The following MET variants were observed in gnomAD, a reference collection of about 807,000 sequenced individuals.
MET encodes hepatocyte growth factor receptor.
MET carries 48 observed loss-of-function variants against 133.1 expected under a neutral mutation model. That is an observed-to-expected ratio of 0.36 (90% CI 0.29 to 0.46). The LOEUF is 0.46. MET is among the 20% of genes least tolerant of loss of function. The pLI is 1.00. For missense variants in MET, 1,442 were observed against 1,695.9 expected, an observed-to-expected ratio of 0.85 and a Z score of 2.63; for synonymous variants, 628 against 616.5, an observed-to-expected ratio of 1.02 and a Z score of -0.28.
chr7:116,762,518 G>A (rs968736147), intron 10 of MET, among the ~76,000 whole-genome samples: 1 of 152,162 alleles, frequency 6.6e-6, no homozygotes, highest in Non-Finnish European at 1.5e-5. Context: ...TAATTATCAT[G>A]TTCACCATAT....
intron 1 of MET, among the ~76,000 whole-genome samples, chr7:116,675,837 G>T (rs1796141320): frequency 6.8e-6 from 1 of 147,860 alleles, no homozygotes; most frequent in Non-Finnish European, 1.5e-5. Context: ...ATTCATATGT[G>T]TGGGGCATTC....
intron 19 of MET, among the ~76,000 whole-genome samples, chr7:116,785,108 G>A (rs773983076): frequency 1.3e-5 from 2 of 152,298 alleles, no homozygotes; most frequent in East Asian, 1.9e-4. Context: ...CTCATATCCA[G>A]GGCACGCTGA....
intron 2 of MET, among the ~76,000 whole-genome samples, chr7:116,728,686 G>T (rs1219707301): frequency 6.6e-6 from 1 of 152,152 alleles, no homozygotes; most frequent in Non-Finnish European, 1.5e-5. Context: ...TTTTCAGCAG[G>T]CTGTCATTAA....
chr7:116,685,812 T>TA (rs1235194599), intron 1 of MET, among the ~76,000 whole-genome samples: 7 of 152,176 alleles, frequency 4.6e-5, no homozygotes, highest in Admixed American at 2.6e-4. Flanking sequence ...TTCTCTCTGT[T>TA]AAAAAAGTCA....
In MET at chr7:116,710,590, T is replaced by A. The variant is rs543026979; in HGVS notation, c.1200+10306T>A. ...TTAGTAGATTTTGCACAGAAAAACA[T>A]GTTGACCTCGGTACTGAAATTTTGG... On this transcript the variant is annotated intron_variant, in intron 2 of 20. Coordinates refer to ENST00000397752, the MANE Select transcript of MET (RefSeq NM_000245.4). Among the ~76,000 whole-genome samples the A allele has an allele frequency of 1.7e-3, 258 of 152,246 alleles. 2 individuals carry two copies. Among genetic ancestry groups the A allele is most frequent in the African/African-American group, 5.9e-3 (246 of 41,548 alleles).
intron 2 of MET, among the ~76,000 whole-genome samples, chr7:116,712,508 T>C (rs1419705812): frequency 1.3e-5 from 2 of 152,232 alleles, no homozygotes; most frequent in Non-Finnish European, 2.9e-5. Context: ...GACAGAGCCC[T>C]GTATGTAAAA....
Position 116,755,389 on chromosome 7 carries a change from C to T in MET, c.1736C>T (p.Thr579Ile), listed in dbSNP as rs2116909140. Residue 579 changes from threonine to isoleucine, a missense_variant, in exon 6 of 21, where the codon ACA becomes ATA. Around this residue, in one of 6 missense-constraint regions of MET, gnomAD observed 762 missense variants for 792.4 expected, o/e 0.96. Transcript: ENST00000397752. ...AATAGTGCACCCCTTGAAGGAGGGACAAGGCTGACCATATGTGGCTGGGAC... is the reference window on the plus strand; with the variant it reads ...AATAGTGCACCCCTTGAAGGAGGGATAAGGCTGACCATATGTGGCTGGGAC... ...FPNSAPLEGG[T>I]RLTICGWDFG... 1 of 1,613,954 alleles carries T rather than the reference C, an allele frequency of 6.2e-7. No individual in the cohort carries two copies. The highest frequency in any genetic ancestry group is 8.5e-7 in the Non-Finnish European group (1 of 1,179,992).
intron 11 of MET, among the ~76,000 whole-genome samples, chr7:116,765,525 G>T (rs1794593946): frequency 6.6e-6 from 1 of 152,036 alleles, no homozygotes. Context: ...GGGCGAGCCA[G>T]GTTTGGATGA....
intron 13 of MET, 79 bp from the exon 14 acceptor site, chr7:116,771,770 G>T (rs2116994651): frequency 6.2e-7 from 1 of 1,610,106 alleles, no homozygotes; most frequent in Non-Finnish European, 8.5e-7. Context: ...AAACCCATGA[G>T]TTCTGGGCAC....
intron 18 of MET, among the ~76,000 whole-genome samples, chr7:116,782,712 C>T (rs1199612436): frequency 6.6e-6 from 1 of 152,180 alleles, no homozygotes; most frequent in East Asian, 1.9e-4. Context: ...ACTGTAACAA[C>T]ATAAAAGCCA....
At chr7:116,692,251 T>C (rs1316168791) in intron 1 of MET, among the ~76,000 whole-genome samples, 1 of 152,186 alleles carries the variant, frequency 6.6e-6, no homozygotes, top group Admixed American at 6.5e-5. Flanking sequence ...GAAGAGATGA[T>C]GGAGCTGACC....
intron 1 of MET, among the ~76,000 whole-genome samples, chr7:116,694,173 A>G (rs1796878276): frequency 6.6e-6 from 1 of 152,168 alleles, no homozygotes; most frequent in Admixed American, 6.5e-5. Flanking sequence ...TTTCCCAGAA[A>G]AGATCTGATC....
At chr7:116,699,014 A>G in intron 1 of MET, 57 bp from the exon 2 acceptor site, 1 of 1,610,382 alleles carries the variant, frequency 6.2e-7, no homozygotes, top group Non-Finnish European at 8.5e-7. Context: ...TAGGTCTTTC[A>G]GTTTTCTCTT....
At chr7:116,693,435 A>G (rs139540494) in intron 1 of MET, among the ~76,000 whole-genome samples, 43 of 152,306 alleles carry the variant, frequency 2.8e-4, no homozygotes, top group African/African-American at 9.9e-4. Context: ...GCCAGCACAC[A>G]GCTGGTTCAG....
chr7:116,755,033 A>AAAGAAAGAAAGAAAG (rs1301648576), intron 5 of MET, among the ~76,000 whole-genome samples: 1 of 151,558 alleles, frequency 6.6e-6, no homozygotes, highest in African/African-American at 2.4e-5. Context: ...AGAAAGAAAG[A>AAAGAAAGAAAGAAAG]AAGAAAGAAA....
At chr7:116,783,957 A>G (rs975368077) in intron 19 of MET, among the ~76,000 whole-genome samples, 3 of 152,216 alleles carry the variant, frequency 2.0e-5, no homozygotes, top group Non-Finnish European at 4.4e-5. Flanking sequence ...TGCGCAGAAC[A>G]AGCTCTCAAA....
chr7:116,762,188 G>C (rs1189521067), intron 10 of MET, among the ~76,000 whole-genome samples: 2 of 152,206 alleles, frequency 1.3e-5, no homozygotes, highest in Non-Finnish European at 2.9e-5. Context: ...TTGTAAAATA[G>C]AGAGCATAGG....
chr7:116,720,548 AT>A (rs1449298285), intron 2 of MET, among the ~76,000 whole-genome samples: 1 of 81,464 alleles, frequency 1.2e-5, no homozygotes, highest in African/African-American at 5.7e-5. Flanking sequence ...GAGAGAGGGC[AT>A]CCCTGTCTTG....
chr7:116,765,286 CAAAA>C (rs754418396), intron 11 of MET, among the ~76,000 whole-genome samples: 3 of 31,872 alleles, frequency 9.4e-5, no homozygotes, highest in South Asian at 1.1e-3. Context: ...GGAGACAGAG[CAAAA>C]AAAAAAAAAA....
Sources: allele counts gnomAD v4.1 joint callset (sites outside exome capture counted in the v4.1 genomes callset), GRCh38; gene constraint gnomAD v4.1.1; regional missense constraint gnomAD v4.1.1; transcripts MANE v1.5; gene names NCBI Gene and HGNC (gene_info 2026-07-23, HGNC 2026-07-21).